CSMD1: variants seen among roughly 807,000 people sequenced by gnomAD.
CSMD1 encodes the protein CUB and sushi domain-containing protein 1.
Under a neutral mutation model 417.5 loss-of-function variants are expected in CSMD1, and 213 were observed. The observed-to-expected ratio is 0.51, with a 90% CI of 0.46 to 0.57. The LOEUF is 0.57. CSMD1 is among the 20% of genes least tolerant of loss of function. The pLI is 0.00. For synonymous variants in CSMD1, 2,862 were observed against 1,736.8 expected, an observed-to-expected ratio of 1.65 and a Z score of -16.11; for missense variants, 6,923 against 4,529.7, an observed-to-expected ratio of 1.53 and a Z score of -15.17.
rs149716583 is a variant in CSMD1, at chr8:4,282,365, G to T, written c.415+137588C>A. Among the ~76,000 whole-genome samples the T allele has an allele frequency of 1.4e-3, 218 of 152,202 alleles. 4 individuals carry two copies. In the East Asian group the frequency reaches 0.034, roughly 24 times the overall value. On this transcript the variant is annotated intron_variant, in intron 3 of 69. Transcript: ENST00000635120. ...AGATCTTCTGGCCACTGGACAAGAG[G>T]GCTCTCTTCTTCATTTTCTCGGACT...
At chr8:4,500,654 A>G (rs1401375784) in intron 2 of CSMD1, among the ~76,000 whole-genome samples, 1 of 152,280 alleles carries the variant, frequency 6.6e-6, no homozygotes, top group South Asian at 2.1e-4. Flanking sequence ...GAGAGGTGTT[A>G]GTAAATGTTC....
chr8:4,957,236 C>A (rs997024312), intron 1 of CSMD1, among the ~76,000 whole-genome samples: 5 of 152,202 alleles, frequency 3.3e-5, no homozygotes, highest in Non-Finnish European at 7.3e-5. Context: ...CCTAATATTA[C>A]TGAGTTGCCT....
intron 7 of CSMD1, among the ~76,000 whole-genome samples, chr8:3,663,230 T>C (rs570722476): frequency 6.6e-6 from 1 of 151,988 alleles, no homozygotes; most frequent in Admixed American, 6.6e-5. Context: ...AAACAAAGAG[T>C]TGAAGAGGCC....
intron 3 of CSMD1, among the ~76,000 whole-genome samples, chr8:4,414,856 G>A (rs997056489): frequency 6.6e-6 from 1 of 152,168 alleles, no homozygotes; most frequent in South Asian, 2.1e-4. Flanking sequence ...GTAATGGCCA[G>A]AGAGTAGGCA....
chr8:4,831,025 A>C (rs1317633557), intron 1 of CSMD1, among the ~76,000 whole-genome samples: 1 of 152,192 alleles, frequency 6.6e-6, no homozygotes, highest in Non-Finnish European at 1.5e-5. Context: ...GCACTTGGTG[A>C]ATAACAGGAT....
intron 2 of CSMD1, among the ~76,000 whole-genome samples, chr8:4,619,120 C>G (rs1385277307): frequency 3.3e-5 from 5 of 152,074 alleles, no homozygotes; most frequent in African/African-American, 4.8e-5. Context: ...TTTCTCTAGT[C>G]TTTTGCCCTA....
Position 3,334,322 on chromosome 8 carries a change from T to C in CSMD1, c.3631+8972A>G, listed in dbSNP as rs562660362. 4.6e-5 allele frequency among the ~76,000 whole-genome samples: 7 copies of C among 152,330 alleles called. No individual in the cohort carries two copies. In the East Asian group the frequency reaches 1.2e-3, roughly 25 times the overall value. ...ATTGCATTCAGCAGCTGTGTACACTTCATGCTTGCAATATTTTCTCCTTGT... is the reference window on the plus strand; with the variant it reads ...ATTGCATTCAGCAGCTGTGTACACTCCATGCTTGCAATATTTTCTCCTTGT... On this transcript the variant is annotated intron_variant, in intron 23 of 69. Transcript: ENST00000635120.
At chr8:3,571,600 G>A (rs1234878566) in intron 10 of CSMD1, among the ~76,000 whole-genome samples, 1 of 152,084 alleles carries the variant, frequency 6.6e-6, no homozygotes, top group Non-Finnish European at 1.5e-5. Context: ...ACTGGAGGCA[G>A]CTGCAGGGGG....
At chr8:4,456,294 C>G (rs191357875) in intron 2 of CSMD1, among the ~76,000 whole-genome samples, 4 of 152,068 alleles carry the variant, frequency 2.6e-5, no homozygotes, top group South Asian at 2.1e-4. Flanking sequence ...AAGCTGAAGA[C>G]AATTTGTAAT....
At chr8:4,088,877 C>T (rs1285627199) in intron 3 of CSMD1, among the ~76,000 whole-genome samples, 4 of 152,182 alleles carry the variant, frequency 2.6e-5, no homozygotes, top group African/African-American at 4.8e-5. Flanking sequence ...CTGTGTTCCA[C>T]CCGCAATCTT....
chr8:4,822,227 T>A lies in CSMD1; in HGVS notation c.85+172105A>T, dbSNP rs147096418. 3.7e-3 allele frequency among the ~76,000 whole-genome samples: 568 copies of A among 152,236 alleles called. 4 individuals carry two copies. Among genetic ancestry groups the A allele is most frequent in the African/African-American group, 0.012 (519 of 41,562 alleles). Reference sequence around the variant, plus strand: ...TGTGTGATTCGTGGGGGTTTGCAACTTACTTTCACCGTACCACTTGCTAAC... The same window carrying A: ...TGTGTGATTCGTGGGGGTTTGCAACATACTTTCACCGTACCACTTGCTAAC... On this transcript the variant is annotated intron_variant, in intron 1 of 69. Transcript: ENST00000635120.
intron 1 of CSMD1, among the ~76,000 whole-genome samples, chr8:4,769,632 C>T (rs559316681): frequency 6.6e-6 from 1 of 152,220 alleles, no homozygotes; most frequent in African/African-American, 2.4e-5. Context: ...ATCTAAATTT[C>T]ATCTGTTGAA....
intron 2 of CSMD1, among the ~76,000 whole-genome samples, chr8:4,636,038 A>G (rs1189971609): frequency 2.6e-5 from 4 of 152,044 alleles, no homozygotes; most frequent in Non-Finnish European, 4.4e-5. Flanking sequence ...TATTTAACCT[A>G]TTAGTTATGT....
intron 2 of CSMD1, among the ~76,000 whole-genome samples, chr8:4,592,113 T>G (rs1274013247): frequency 5.9e-5 from 9 of 152,022 alleles, no homozygotes; most frequent in African/African-American, 2.2e-4. Flanking sequence ...ACGAGCGGCT[T>G]TGCTGGCATA....
At chr8:4,554,385 C>T (rs542056400) in intron 2 of CSMD1, among the ~76,000 whole-genome samples, 3 of 152,320 alleles carry the variant, frequency 2.0e-5, no homozygotes, top group African/African-American at 4.8e-5. Flanking sequence ...GATCTACCTG[C>T]CTCGGCCTCC....
At chr8:4,300,154 A>G (rs1797902034) in intron 3 of CSMD1, among the ~76,000 whole-genome samples, 1 of 152,156 alleles carries the variant, frequency 6.6e-6, no homozygotes, top group Non-Finnish European at 1.5e-5. Flanking sequence ...TATCTTTCAT[A>G]AAAACAACAA....
chr8:3,693,516 T>C (rs954377506), intron 7 of CSMD1, among the ~76,000 whole-genome samples: 1 of 152,178 alleles, frequency 6.6e-6, no homozygotes, highest in Non-Finnish European at 1.5e-5. Context: ...TGGAGATTCA[T>C]TTATCCATTA....
intron 3 of CSMD1, among the ~76,000 whole-genome samples, chr8:4,243,238 G>A (rs574433699): frequency 6.6e-6 from 1 of 152,140 alleles, no homozygotes; most frequent in African/African-American, 2.4e-5. Flanking sequence ...CAGGAAAGGG[G>A]AGATCACCAG....
intron 1 of CSMD1, among the ~76,000 whole-genome samples, chr8:4,984,339 T>G (rs909253784): frequency 2.6e-5 from 4 of 152,226 alleles, no homozygotes; most frequent in Non-Finnish European, 5.9e-5. Flanking sequence ...CTAACATAAG[T>G]TGCATATAAA....
Sources: allele counts gnomAD v4.1 joint callset (sites outside exome capture counted in the v4.1 genomes callset), GRCh38; gene constraint gnomAD v4.1.1; transcripts MANE v1.5; gene names NCBI Gene and HGNC (gene_info 2026-07-23, HGNC 2026-07-21).